GPC6: variants seen among roughly 807,000 people sequenced by gnomAD.
GPC6 encodes glypican 6.
In GPC6, 14 loss-of-function variants were observed where a neutral mutation model predicts 55.2. That is an observed-to-expected ratio of 0.25 (90% CI 0.17 to 0.40). The LOEUF (loss-of-function observed/expected upper bound fraction) is 0.40. GPC6 is among the 10% of genes least tolerant of loss of function. The pLI is 1.00. For synonymous variants in GPC6, 278 were observed against 259.6 expected (o/e 1.07, Z -0.68); for missense variants, 641 against 708.5 (o/e 0.90, Z 1.08).
chr13:94,387,730 TTCTCTCTCTCTC>T (rs3044333), intron 7 of GPC6, among the ~76,000 whole-genome samples: 13 of 141,150 alleles, frequency 9.2e-5, no homozygotes, highest in African/African-American at 2.2e-4. Flanking sequence ...AGACATGAGT[TTCTCTCTCTCTC>T]TCTCTCTCTC....
intron 1 of GPC6, among the ~76,000 whole-genome samples, chr13:93,434,498 T>C (rs1048890259): frequency 5.3e-5 from 8 of 152,098 alleles, no homozygotes; most frequent in Non-Finnish European, 7.4e-5. Context: ...AATCCTTTAG[T>C]TATAATAAGG....
intron 1 of GPC6, among the ~76,000 whole-genome samples, chr13:93,478,497 A>T (rs575444595): frequency 6.6e-6 from 1 of 152,328 alleles, no homozygotes; most frequent in East Asian, 1.9e-4. Context: ...TACCAGAAAA[A>T]AATTCCTGAA....
At chr13:94,064,526 C>A (rs751281091) in intron 4 of GPC6, among the ~76,000 whole-genome samples, 4 of 152,094 alleles carry the variant, frequency 2.6e-5, no homozygotes, top group Non-Finnish European at 4.4e-5. Flanking sequence ...CAATATGTGT[C>A]TTAACAGGGA....
rs530845596 is a variant in GPC6, at chr13:93,952,805, G to GTA, written c.712-74921_712-74920dup. On this transcript the variant is annotated intron_variant, in intron 3 of 8. Coordinates refer to ENST00000377047, the MANE Select transcript of GPC6 (RefSeq NM_005708.5). ...TGTATATATGTGTATTGAGATATAGGTATACACACACACACATATATATAC... is the reference window on the plus strand; with the variant it reads ...TGTATATATGTGTATTGAGATATAGGTATATACACACACACACATATATATAC... Among the ~76,000 whole-genome samples, 597 of 144,222 alleles carry GTA rather than the reference G, an allele frequency of 4.1e-3. 6 individuals carry two copies. Among genetic ancestry groups the GTA allele is most frequent in the African/African-American group, 0.015 (579 of 38,878 alleles). The allele number at this position is 144,222 out of a possible 152,430, so 94.6% of individuals were successfully genotyped here. A position where few individuals can be genotyped will look rare whatever the true frequency, so the allele number is the denominator to read the frequency against.
chr13:94,165,176 G>T lies in GPC6; in HGVS notation c.878-121173G>T, dbSNP rs932211403. ...GCCTATCAGTCAACGAGTGGATAAA[G>T]AAATTGTGATATATGTATGTGTGTG... On this transcript the variant is annotated intron_variant, in intron 4 of 8. Coordinates refer to ENST00000377047, the MANE Select transcript of GPC6 (RefSeq NM_005708.5). Among the ~76,000 whole-genome samples the T allele has an allele frequency of 9.3e-5, 14 of 149,768 alleles. No homozygotes were observed. The East Asian group carries it at 2.8e-3, about 30-fold the overall frequency.
chr13:94,171,671 T>C lies in GPC6; in HGVS notation c.878-114678T>C, dbSNP rs116502213. On this transcript the variant is annotated intron_variant, in intron 4 of 8. Transcript: ENST00000377047. ...GGGGTAAAACCAAGACATTTGTCCT[T>C]TCCCTGCATTTTAGTTGTTACCAGC... Among the ~76,000 whole-genome samples, 826 of 152,332 alleles carry C rather than the reference T, an allele frequency of 5.4e-3. 7 individuals are homozygous for C. The highest frequency in any genetic ancestry group is 0.019 in the African/African-American group (771 of 41,570).
chr13:94,191,309 C>T (rs895656090), intron 4 of GPC6, among the ~76,000 whole-genome samples: 6 of 152,148 alleles, frequency 3.9e-5, no homozygotes, highest in Non-Finnish European at 8.8e-5. Context: ...TCTTGGTATT[C>T]CATGAGATTC....
At chr13:93,841,344 A>G (rs908876319) in intron 3 of GPC6, among the ~76,000 whole-genome samples, 5 of 152,186 alleles carry the variant, frequency 3.3e-5, no homozygotes, top group African/African-American at 1.2e-4. Flanking sequence ...GATATTTGTA[A>G]GAAAGAGGGG....
intron 4 of GPC6, among the ~76,000 whole-genome samples, chr13:94,032,913 G>T (rs535019283): frequency 2.0e-5 from 3 of 152,140 alleles, no homozygotes; most frequent in Non-Finnish European, 4.4e-5. Flanking sequence ...CCCTGAAGTG[G>T]GCACTATTCA....
intron 2 of GPC6, among the ~76,000 whole-genome samples, chr13:93,788,370 T>C (rs902525940): frequency 6.6e-6 from 1 of 152,142 alleles, no homozygotes; most frequent in Non-Finnish European, 1.5e-5. Context: ...CATGGCCTAA[T>C]CACCTCTTAA....
intron 4 of GPC6, among the ~76,000 whole-genome samples, chr13:94,260,765 G>C (rs927923715): frequency 6.6e-6 from 1 of 152,292 alleles, no homozygotes; most frequent in Non-Finnish European, 1.5e-5. Context: ...ATTGACTGAA[G>C]AGAAGGGGTC....
chr13:93,313,955 TA>T (rs546406877), intron 1 of GPC6, among the ~76,000 whole-genome samples: 4 of 152,302 alleles, frequency 2.6e-5, no homozygotes, highest in African/African-American at 7.2e-5. Context: ...ATATGTTTTC[TA>T]ATGAATGCCT....
intron 1 of GPC6, among the ~76,000 whole-genome samples, chr13:93,295,109 CAAAAAAAA>C (rs71202577): frequency 3.2e-5 from 2 of 61,832 alleles, no homozygotes; most frequent in African/African-American, 6.5e-5. Context: ...TCTGTCTCTG[CAAAAAAAA>C]AAAAAAAAAA....
intron 1 of GPC6, among the ~76,000 whole-genome samples, chr13:93,283,352 A>G (rs1878009245): frequency 6.6e-6 from 1 of 152,204 alleles, no homozygotes; most frequent in South Asian, 2.1e-4. Context: ...ATGTTAAGGT[A>G]AGGTCGCATA....
intron 2 of GPC6, among the ~76,000 whole-genome samples, chr13:93,774,504 C>T (rs933590708): frequency 6.6e-6 from 1 of 152,134 alleles, no homozygotes; most frequent in Non-Finnish European, 1.5e-5. Flanking sequence ...TTACCAAAAT[C>T]CTAGACACTA....
At chr13:93,547,133 A>T (rs985566330) in intron 2 of GPC6, among the ~76,000 whole-genome samples, 2 of 150,752 alleles carry the variant, frequency 1.3e-5, no homozygotes, top group African/African-American at 4.9e-5. Flanking sequence ...GATTGAGGCC[A>T]TCCTGGCCAA....
chr13:94,288,420 A>G (rs1348195920), intron 5 of GPC6, among the ~76,000 whole-genome samples: 5 of 150,692 alleles, frequency 3.3e-5, no homozygotes, highest in East Asian at 3.9e-4. Context: ...CACCACACCC[A>G]CCTCCCTCCA....
chr13:93,941,066 A>G (rs1834096799), intron 3 of GPC6, among the ~76,000 whole-genome samples: 1 of 152,180 alleles, frequency 6.6e-6, no homozygotes, highest in African/African-American at 2.4e-5. Flanking sequence ...AAACTTAATC[A>G]TTAAATATGG....
At chr13:94,012,339 A>G (rs529549157) in intron 3 of GPC6, among the ~76,000 whole-genome samples, 27 of 152,258 alleles carry the variant, frequency 1.8e-4, no homozygotes, top group Non-Finnish European at 2.9e-4. Flanking sequence ...GGCATTATTC[A>G]TGGAATCCCA....
Sources: gnomAD v4.1 joint callset for allele counts (sites outside exome capture counted in the v4.1 genomes callset) on GRCh38, gnomAD v4.1.1 for gene constraint, MANE v1.5 for transcripts, NCBI Gene and HGNC (gene_info 2026-07-23, HGNC 2026-07-21) for gene names.